USP24: variants seen among roughly 807,000 people sequenced by gnomAD.
The protein encoded by USP24 is ubiquitin carboxyl-terminal hydrolase 24.
A neutral mutation model predicts 361.6 loss-of-function variants in USP24; 97 were observed. That is an observed-to-expected ratio of 0.27 (90% CI 0.23 to 0.32). The LOEUF is 0.32. Ranked by LOEUF, USP24 falls within the 10% of genes least tolerant of loss-of-function variation. USP24 has a pLI of 1.00. For missense variants in USP24, 2,353 were observed against 3,165.6 expected (o/e 0.74, Z 6.16); for synonymous variants, 1,098 against 1,124.6 (o/e 0.98, Z 0.47).
At position 55,095,502 on chromosome 1, in the gene USP24, T is replaced by C. The variant is rs958004622; in HGVS notation, c.6062-106A>G. 4 of 1,277,194 alleles carry C rather than the reference T, an allele frequency of 3.1e-6. No individual in the cohort carries two copies. The African/African-American group carries it at 6.0e-5, about 19-fold the overall frequency. The allele number at this position is 1,277,194 out of a possible 1,614,324, so 79.1% of individuals were successfully genotyped here. A position where few individuals can be genotyped will look rare whatever the true frequency, so the allele number is the denominator to read the frequency against. On this transcript the variant is annotated intron_variant, in intron 50 of 67. Coordinates refer to ENST00000294383, the MANE Select transcript of USP24 (RefSeq NM_015306.3). ...TTCCAGCAAGTAGTTAACTACTCCCTAAGTTTGTAAAATGCAAAGTATAAG... is the reference window on the plus strand; with the variant it reads ...TTCCAGCAAGTAGTTAACTACTCCCCAAGTTTGTAAAATGCAAAGTATAAG...
intron 1 of USP24, among the ~76,000 whole-genome samples, chr1:55,197,531 T>C (rs1022183851): frequency 6.6e-6 from 1 of 152,244 alleles, no homozygotes; most frequent in Non-Finnish European, 1.5e-5. Flanking sequence ...CAGAGAATTG[T>C]ATGTGTGTTC....
At chr1:55,084,963 A>G (rs573937908) in intron 56 of USP24, among the ~76,000 whole-genome samples, 119 of 152,340 alleles carry the variant, frequency 7.8e-4, no homozygotes, top group African/African-American at 2.8e-3. Flanking sequence ...GGAGAGTGAT[A>G]TGGTCCTTAT....
chr1:55,091,036 A>G (rs1645363441), intron 54 of USP24, among the ~76,000 whole-genome samples: 1 of 152,170 alleles, frequency 6.6e-6, no homozygotes, highest in African/African-American at 2.4e-5. Flanking sequence ...GTGAGCCAAG[A>G]CTGCACCACT....
intron 1 of USP24, among the ~76,000 whole-genome samples, chr1:55,192,040 G>A (rs550840240): frequency 1.7e-4 from 26 of 152,134 alleles, no homozygotes; most frequent in Non-Finnish European, 3.1e-4. Context: ...CATAAGCACA[G>A]GTGATATCCT....
intron 53 of USP24, among the ~76,000 whole-genome samples, chr1:55,092,565 C>A (rs1032222020): frequency 6.6e-5 from 10 of 152,212 alleles, no homozygotes; most frequent in Admixed American, 6.5e-4. Context: ...TTCTAAGATT[C>A]TTTTATAAAT....
At position 55,215,128 on chromosome 1, in the gene USP24, G is replaced by C. The variant is rs1357299804; in HGVS notation, c.-15C>G. The C allele has an allele frequency of 8.0e-7, 1 of 1,243,268 alleles. No individual in the cohort carries two copies. Among genetic ancestry groups the C allele is most frequent in the Admixed American group, 3.7e-5 (1 of 26,764 alleles). The allele number at this position is 1,243,268 out of a possible 1,614,324, so 77.0% of individuals were successfully genotyped here. ...TCCGATTCCATGGCTTGGGCCTCCTGGCCGCCCCGGCCAGCGCACGGCGAA... is the reference window on the plus strand; with the variant it reads ...TCCGATTCCATGGCTTGGGCCTCCTCGCCGCCCCGGCCAGCGCACGGCGAA... On this transcript the variant is annotated 5_prime_UTR_variant, in exon 1 of 68. Transcript: ENST00000294383.
chr1:55,166,615 G>A lies in USP24; in HGVS notation c.826-12C>T. ...CATCCATGAGGCTCCTATGAGAAAA[G>A]AAAAACAAAATTGAGATGGCAATAT... On this transcript the variant is annotated splice_polypyrimidine_tract_variant and intron_variant, in intron 5 of 67. Transcript: ENST00000294383. 2 of 1,584,698 alleles carry A rather than the reference G, an allele frequency of 1.3e-6. No homozygotes were observed. The highest frequency in any genetic ancestry group is 2.3e-5 in the East Asian group (1 of 43,842).
intron 32 of USP24, among the ~76,000 whole-genome samples, chr1:55,126,514 C>T (rs1646434453): frequency 6.6e-6 from 1 of 152,206 alleles, no homozygotes; most frequent in Non-Finnish European, 1.5e-5. Context: ...GGATTTTGGT[C>T]TAATCTACTC....
Position 55,142,810 on chromosome 1 carries a change from G to C in USP24, c.2581-15C>G, listed in dbSNP as rs140666920. ...GATACTGAATCCTGAAAGAGTATAT[G>C]GAAATTACAATTAGTCCTTGACATT... On this transcript the variant is annotated splice_polypyrimidine_tract_variant and intron_variant, in intron 22 of 67. Coordinates refer to ENST00000294383, the MANE Select transcript of USP24 (RefSeq NM_015306.3). The C allele has an allele frequency of 6.6e-7, 1 of 1,512,350 alleles. No homozygotes were observed. Among genetic ancestry groups the C allele is most frequent in the African/African-American group, 1.4e-5 (1 of 71,494 alleles). 93.7% of individuals were successfully genotyped at this position (1,512,350 alleles called of 1,614,324 possible). A position where few individuals can be genotyped will look rare whatever the true frequency, so the allele number is the denominator to read the frequency against.
intron 32 of USP24, among the ~76,000 whole-genome samples, chr1:55,128,087 T>C (rs1014747356): frequency 2.6e-5 from 4 of 152,214 alleles, no homozygotes; most frequent in African/African-American, 9.7e-5. Flanking sequence ...TTCTCTTGCT[T>C]TCCTTTGTTC....
chr1:55,159,913 C>T (rs1361914535), intron 8 of USP24, among the ~76,000 whole-genome samples: 2 of 152,180 alleles, frequency 1.3e-5, no homozygotes, highest in African/African-American at 2.4e-5. Flanking sequence ...CATTTTCTGT[C>T]ATTACTATCT....
chr1:55,196,805 G>T (rs981920806), intron 1 of USP24, among the ~76,000 whole-genome samples: 1 of 152,176 alleles, frequency 6.6e-6, no homozygotes, highest in Non-Finnish European at 1.5e-5. Flanking sequence ...ACAGTTGCCT[G>T]CAAGGCCCTA....
chr1:55,172,319 C>A, intron 4 of USP24, 58 bp downstream of exon 4: 2 of 1,427,802 alleles, frequency 1.4e-6, no homozygotes, highest in Non-Finnish European at 1.9e-6. Flanking sequence ...AGTCAGAGAA[C>A]AGCAAGTATT....
intron 40 of USP24, 102 bp downstream of exon 40, chr1:55,107,137 A>G (rs910746628): frequency 1.1e-5 from 15 of 1,390,324 alleles, no homozygotes; most frequent in African/African-American, 7.3e-5. Flanking sequence ...TCAATTTTCC[A>G]TGGAACACTT....
Position 55,172,546 on chromosome 1 carries a change from G to C in USP24, c.559-26C>G, listed in dbSNP as rs1011464279. 3 of 1,578,606 alleles carry C rather than the reference G, an allele frequency of 1.9e-6. No homozygotes were observed. In the African/African-American group the frequency reaches 4.1e-5, roughly 22 times the overall value. On this transcript the variant is annotated intron_variant, in intron 3 of 67. Coordinates refer to ENST00000294383, the MANE Select transcript of USP24 (RefSeq NM_015306.3). ...CTATAAAAACATAAAGGGCAATCTA[G>C]AGTCTAACTTGAAAAAAGAAAATAA...
Position 55,160,332 on chromosome 1 carries a change from C to T in USP24, c.994-647G>A, listed in dbSNP as rs1469253996. Among the ~76,000 whole-genome samples, 3 of 152,332 alleles carry T rather than the reference C, an allele frequency of 2.0e-5. No individual in the cohort carries two copies. The South Asian group carries it at 6.2e-4, about 32-fold the overall frequency. The stretch of plus-strand genomic sequence containing the variant: ...AGCTAAAATGACATCAGGCAGTTAT[C>T]CAGATAGAATTTCTTCTTTTACACT... On this transcript the variant is annotated intron_variant, in intron 8 of 67. Transcript: ENST00000294383.
intron 1 of USP24, among the ~76,000 whole-genome samples, chr1:55,179,204 A>C (rs1205537241): frequency 1.3e-5 from 2 of 152,150 alleles, no homozygotes; most frequent in Non-Finnish European, 2.9e-5. Context: ...TCCTCTTGAA[A>C]TGCTGGCTTC....
intron 10 of USP24, 150 bp downstream of exon 10, chr1:55,158,728 T>C (rs1647953145): frequency 6.0e-6 from 4 of 671,846 alleles, no homozygotes; most frequent in Non-Finnish European, 8.5e-6. Context: ...CCAACAATTA[T>C]ATACAACATT....
At chr1:55,083,160 GTAC>G in intron 58 of USP24, 109 bp downstream of exon 58, 3 of 986,340 alleles carry the variant, frequency 3.0e-6, no homozygotes, top group Non-Finnish European at 4.5e-6. Context: ...AGTCTCTATG[GTAC>G]TACTACTTAG....
Sources: allele counts gnomAD v4.1 joint callset (sites outside exome capture counted in the v4.1 genomes callset), GRCh38; gene constraint gnomAD v4.1.1; transcripts MANE v1.5; gene names NCBI Gene and HGNC (gene_info 2026-07-23, HGNC 2026-07-21).